The following FRAS1 variants were observed in gnomAD, a reference collection of about 807,000 sequenced individuals.
FRAS1 encodes the protein Fraser extracellular matrix complex subunit 1.
In FRAS1, 290 loss-of-function variants were observed where a neutral mutation model predicts 435.2. That is an observed-to-expected ratio of 0.67 (90% CI 0.61 to 0.73). The LOEUF (loss-of-function observed/expected upper bound fraction) is 0.73, where lower values mean the gene tolerates loss of function less well. Ranked by LOEUF, FRAS1 falls within the 30% of genes least tolerant of loss-of-function variation. FRAS1 has a pLI of 0.00. For missense variants in FRAS1, 4,860 were observed against 5,001.5 expected (o/e 0.97, Z 0.85); for synonymous variants, 1,800 against 1,851.0 (o/e 0.97, Z 0.71).
At chr4:78,422,792 A>G (rs1256432024) in intron 34 of FRAS1, among the ~76,000 whole-genome samples, 3 of 152,172 alleles carry the variant, frequency 2.0e-5, no homozygotes, top group Non-Finnish European at 2.9e-5. Flanking sequence ...AGTGATGTCA[A>G]TGGACTTGAT....
chr4:78,075,851 G>A (rs958434450), intron 2 of FRAS1, among the ~76,000 whole-genome samples: 7 of 152,194 alleles, frequency 4.6e-5, no homozygotes, highest in African/African-American at 1.7e-4. Flanking sequence ...TATAGGATCA[G>A]TATAAGTAAA....
intron 2 of FRAS1, chr4:78,071,064 C>G (rs1185538198): frequency 6.6e-6 from 1 of 152,206 alleles, no homozygotes; most frequent in Non-Finnish European, 1.5e-5. Context: ...ACTTGGGATA[C>G]TTTTGCTGAG....
intron 61 of FRAS1, among the ~76,000 whole-genome samples, chr4:78,506,379 G>A (rs113499465): frequency 9.7e-4 from 148 of 152,350 alleles, no homozygotes; most frequent in African/African-American, 3.3e-3. Context: ...GAGGCAGTAG[G>A]CCTTCCTGAG....
intron 3 of FRAS1, among the ~76,000 whole-genome samples, chr4:78,244,888 C>G (rs1344375168): frequency 6.6e-6 from 1 of 152,164 alleles, no homozygotes; most frequent in Non-Finnish European, 1.5e-5. Flanking sequence ...GTGGCCATCC[C>G]CCACCTGAGT....
rs1740383625 is a variant in FRAS1 at position 78,072,065 on chromosome 4, T to C, written c.108+6049T>C. ...TTTTTTTTTTAAACCAAGCAATTGT[T>C]ATGGATCAATGCTTTCTTGAATAAA... On this transcript the variant is annotated intron_variant, in intron 2 of 73. Transcript: ENST00000512123. 2.0e-5 allele frequency: 3 copies of C among 152,110 alleles called. No individual in the cohort carries two copies. The South Asian group carries it at 6.2e-4, about 32-fold the overall frequency. The allele number at this position is 152,110 out of a possible 1,614,324, so 9.4% of individuals were successfully genotyped here.
chr4:78,092,403 C>A (rs746109138), intron 2 of FRAS1, among the ~76,000 whole-genome samples: 1 of 152,098 alleles, frequency 6.6e-6, no homozygotes. Flanking sequence ...GCCTCACAAT[C>A]GTGGTGGAAG....
intron 2 of FRAS1, among the ~76,000 whole-genome samples, chr4:78,082,433 T>G (rs1169159986): frequency 6.6e-6 from 1 of 152,168 alleles, no homozygotes; most frequent in Non-Finnish European, 1.5e-5. Flanking sequence ...TAATTTCCTT[T>G]GGATTGAGTT....
intron 2 of FRAS1, among the ~76,000 whole-genome samples, chr4:78,215,056 A>G (rs1379510096): frequency 6.6e-6 from 1 of 152,134 alleles, no homozygotes; most frequent in Non-Finnish European, 1.5e-5. Flanking sequence ...TGCAGAGAGA[A>G]ATGAGGTTTG....
intron 2 of FRAS1, among the ~76,000 whole-genome samples, chr4:78,204,378 GA>G (rs372838391): frequency 1.7e-3 from 253 of 152,296 alleles, no homozygotes; most frequent in African/African-American, 5.8e-3. Flanking sequence ...AACTGTCAGG[GA>G]AAGACTTTCA....
At chr4:78,132,436 GCAGTGCTCATCATA>G (rs1336271502) in intron 2 of FRAS1, among the ~76,000 whole-genome samples, 1 of 152,186 alleles carries the variant, frequency 6.6e-6, no homozygotes, top group African/African-American at 2.4e-5. Flanking sequence ...GTCCAGCAAT[GCAGTGCTCATCATA>G]AGCCCATAGT....
intron 18 of FRAS1, chr4:78,319,609 T>C (rs925664562): frequency 3.2e-6 from 1 of 311,274 alleles, no homozygotes; most frequent in African/African-American, 2.2e-5. Flanking sequence ...GTATTTTTCA[T>C]TGTAAACATA....
At chr4:78,177,022 G>A (rs570667864) in intron 2 of FRAS1, among the ~76,000 whole-genome samples, 13 of 152,080 alleles carry the variant, frequency 8.5e-5, no homozygotes, top group Non-Finnish European at 1.6e-4. Flanking sequence ...CAATAGGCAG[G>A]TTACACACCT....
At chr4:78,301,921 G>A (rs902427996) in intron 14 of FRAS1, among the ~76,000 whole-genome samples, 6 of 137,640 alleles carry the variant, frequency 4.4e-5, no homozygotes, top group Non-Finnish European at 6.0e-5. Context: ...AGTTACATAC[G>A]TATACATGTG....
intron 71 of FRAS1, among the ~76,000 whole-genome samples, chr4:78,536,757 T>C (rs1231660080): frequency 6.6e-6 from 1 of 152,076 alleles, no homozygotes; most frequent in Non-Finnish European, 1.5e-5. Flanking sequence ...TTAATGCTTA[T>C]TGAAAAAAAG....
chr4:78,420,312 G>C (rs140570785), intron 33 of FRAS1, among the ~76,000 whole-genome samples: 2 of 152,096 alleles, frequency 1.3e-5, no homozygotes, highest in Non-Finnish European at 2.9e-5. Flanking sequence ...CATAGCTAAC[G>C]GTTCTCCCTA....
Position 78,544,042 on chromosome 4 carries a change from A to G in FRAS1, c.*2918A>G, listed in dbSNP as rs1722135658. On this transcript the variant is annotated 3_prime_UTR_variant, in exon 74 of 74. Coordinates refer to ENST00000512123, the MANE Select transcript of FRAS1 (RefSeq NM_025074.7). The stretch of plus-strand genomic sequence containing the variant: ...GGAAATAGTGTTGGAATGTGTTTGC[A>G]CAGTCTTATGATATTCAGTCTCAGT... 6.6e-6 allele frequency: 1 copy of G among 152,002 alleles called. No individual in the cohort carries two copies. Among genetic ancestry groups the G allele is most frequent in the Admixed American group, 6.5e-5 (1 of 15,274 alleles). 9.4% of individuals were successfully genotyped at this position (152,002 alleles called of 1,614,324 possible). A position where few individuals can be genotyped will look rare whatever the true frequency, so the allele number is the denominator to read the frequency against.
chr4:78,171,708 C>A (rs1721569160), intron 2 of FRAS1, among the ~76,000 whole-genome samples: 2 of 152,132 alleles, frequency 1.3e-5, no homozygotes, highest in Admixed American at 1.3e-4. Context: ...ATAAAATTAG[C>A]ACCTGCTATG....
chr4:78,492,143 TAA>T (rs1287667469), intron 59 of FRAS1, among the ~76,000 whole-genome samples: 1 of 152,002 alleles, frequency 6.6e-6, no homozygotes, highest in Non-Finnish European at 1.5e-5. Context: ...CTCAAGGAAA[TAA>T]GAGAGGACAC....
chr4:78,242,551 T>A (rs1725050661), intron 3 of FRAS1, among the ~76,000 whole-genome samples: 1 of 152,220 alleles, frequency 6.6e-6, no homozygotes, highest in Admixed American at 6.5e-5. Flanking sequence ...TTCTCCTGCC[T>A]CAGCCTCCCA....
Sources: allele counts gnomAD v4.1 joint callset (sites outside exome capture counted in the v4.1 genomes callset), GRCh38; gene constraint gnomAD v4.1.1; transcripts MANE v1.5; gene names NCBI Gene and HGNC (gene_info 2026-07-23, HGNC 2026-07-21).